The following EIF4EBP1 variants were observed in gnomAD, a reference collection of about 807,000 sequenced individuals.
The protein encoded by EIF4EBP1 is eukaryotic translation initiation factor 4E binding protein 1.
Under a neutral mutation model 9.2 loss-of-function variants are expected in EIF4EBP1, and 5 were observed. The observed-to-expected ratio is 0.54, with a 90% CI of 0.28 to 1.14. The LOEUF (loss-of-function observed/expected upper bound fraction) is 1.14, where lower values mean the gene tolerates loss of function less well. EIF4EBP1 is among the 50% of genes most tolerant of loss of function. EIF4EBP1 has a pLI of 0.09. For synonymous variants in EIF4EBP1, 62 were observed against 67.0 expected, an observed-to-expected ratio of 0.93 and a Z score of 0.36; for missense variants, 139 against 169.6, an observed-to-expected ratio of 0.82 and a Z score of 1.00.
At chr8:38,045,104 T>TTCC (rs1263762290) in intron 1 of EIF4EBP1, among the ~76,000 whole-genome samples, 1 of 152,220 alleles carries the variant, frequency 6.6e-6, no homozygotes, top group Non-Finnish European at 1.5e-5. Flanking sequence ...GAGTGTCACT[T>TTCC]TATTCTCACA....
chr8:38,059,786 C>A (rs1316354038), intron 2 of EIF4EBP1, 118 bp from the exon 3 acceptor site: 78 of 934,626 alleles, frequency 8.3e-5, no homozygotes, highest in South Asian at 1.7e-4. Flanking sequence ...CAAAAAAAAA[C>A]TTATTTTCTT....
intron 1 of EIF4EBP1, among the ~76,000 whole-genome samples, chr8:38,056,068 T>C (rs922893621): frequency 2.0e-5 from 3 of 152,056 alleles, no homozygotes; most frequent in Admixed American, 6.6e-5. Flanking sequence ...AGGGTCTCAC[T>C]GCAGCCTGGA....
At position 38,030,601 on chromosome 8, in the gene EIF4EBP1, A is replaced by AC. The variant is rs1195765913; in HGVS notation, c.32dup (p.Ser12LysfsTer44). ...GTCCGGGGGCAGCAGCTGCAGCCAG[A>AC]CCCCAAGCCGGGCCATCCCCGCCAC... On this transcript the variant is annotated frameshift_variant, in exon 1 of 3. Transcript: ENST00000338825. LOFTEE classifies it high-confidence loss of function. 1 of 1,511,882 alleles carries AC rather than the reference A, an allele frequency of 6.6e-7. No homozygotes were observed. The highest frequency in any genetic ancestry group is 1.4e-5 in the African/African-American group (1 of 69,210). 93.7% of individuals were successfully genotyped at this position (1,511,882 alleles called of 1,614,324 possible). A position where few individuals can be genotyped will look rare whatever the true frequency, so the allele number is the denominator to read the frequency against.
intron 1 of EIF4EBP1, among the ~76,000 whole-genome samples, chr8:38,039,353 G>A (rs28612322): frequency 0.76 from 114,707 of 150,734 alleles, 43,794 homozygotes; most frequent in Middle Eastern, 0.87. Flanking sequence ...GCACATTTAA[G>A]GTAGGGAAGG....
intron 1 of EIF4EBP1, among the ~76,000 whole-genome samples, chr8:38,052,457 A>G (rs1482287408): frequency 6.7e-6 from 1 of 149,684 alleles, no homozygotes; most frequent in Non-Finnish European, 1.5e-5. Context: ...GGCCAGGTGC[A>G]GTGGCTCATG....
intron 1 of EIF4EBP1, among the ~76,000 whole-genome samples, chr8:38,039,266 C>G (rs547789952): frequency 7.9e-5 from 12 of 152,000 alleles, no homozygotes; most frequent in Non-Finnish European, 1.5e-4. Context: ...GAAGATTGGA[C>G]AGCCCACTAT....
At chr8:38,055,394 C>G (rs562361926) in intron 1 of EIF4EBP1, among the ~76,000 whole-genome samples, 1 of 152,134 alleles carries the variant, frequency 6.6e-6, no homozygotes, top group African/African-American at 2.4e-5. Flanking sequence ...TGCTACTCAT[C>G]ATAGCCCCTA....
chr8:38,051,597 ATATTTTTTTT>A (rs1023177974), intron 1 of EIF4EBP1, among the ~76,000 whole-genome samples: 7 of 151,694 alleles, frequency 4.6e-5, no homozygotes, highest in African/African-American at 1.5e-4. Context: ...CCTTTTATTT[ATATTTTTTTT>A]TATTTTTTTG....
chr8:38,047,313 G>A (rs1159688410), intron 1 of EIF4EBP1: 1 of 152,108 alleles, frequency 6.6e-6, no homozygotes. Flanking sequence ...ACAAAGTAGA[G>A]GTTCAGTGAG....
chr8:38,038,658 A>G (rs1809335511), intron 1 of EIF4EBP1, among the ~76,000 whole-genome samples: 1 of 151,688 alleles, frequency 6.6e-6, no homozygotes, highest in Non-Finnish European at 1.5e-5. Context: ...GTGCGCCACC[A>G]CGCCCAGCCT....
chr8:38,042,134 C>T (rs974873574), intron 1 of EIF4EBP1, among the ~76,000 whole-genome samples: 1 of 152,178 alleles, frequency 6.6e-6, no homozygotes, highest in Non-Finnish European at 1.5e-5. Context: ...GCAGGCCAGG[C>T]TTTGGGAACA....
In EIF4EBP1 at chr8:38,056,375, C is replaced by CAT. The variant is rs1809594892; in HGVS notation, c.146-705_146-704insTA. Among the ~76,000 whole-genome samples the CAT allele has an allele frequency of 3.3e-5, 5 of 152,296 alleles. No homozygotes were observed. The South Asian group carries it at 1.0e-3, about 32-fold the overall frequency. ...TAAAATGCAGCTATTCTGGGTATCC[C>CAT]ACAGGAGTGCTGTAAGGACAGGACT... On this transcript the variant is annotated intron_variant, in intron 1 of 2. Transcript: ENST00000338825.
At chr8:38,059,300 C>T (rs866055527) in intron 2 of EIF4EBP1, among the ~76,000 whole-genome samples, 123 of 152,164 alleles carry the variant, frequency 8.1e-4, no homozygotes, top group African/African-American at 2.8e-3. Context: ...AGTGTGGGAG[C>T]GCCACTCCAC....
intron 1 of EIF4EBP1, among the ~76,000 whole-genome samples, chr8:38,031,622 A>G (rs938747563): frequency 6.6e-6 from 1 of 151,962 alleles, no homozygotes; most frequent in Non-Finnish European, 1.5e-5. Flanking sequence ...TGCTTTCCAT[A>G]CTACTAGAAA....
At chr8:38,054,097 CT>C (rs1809560217) in intron 1 of EIF4EBP1, among the ~76,000 whole-genome samples, 1 of 152,214 alleles carries the variant, frequency 6.6e-6, no homozygotes, top group Admixed American at 6.5e-5. Flanking sequence ...TTGCTGGCCC[CT>C]GGGCGCTTCT....
chr8:38,043,667 C>T (rs904100421), intron 1 of EIF4EBP1, among the ~76,000 whole-genome samples: 1 of 152,094 alleles, frequency 6.6e-6, no homozygotes, highest in African/African-American at 2.4e-5. Flanking sequence ...TTCAAAGAAA[C>T]TGACCTATTC....
intron 2 of EIF4EBP1, among the ~76,000 whole-genome samples, chr8:38,059,360 G>C (rs1024185980): frequency 6.6e-6 from 1 of 152,160 alleles, no homozygotes; most frequent in Non-Finnish European, 1.5e-5. Flanking sequence ...CTCCCGCTTT[G>C]CTTTCCACCA....
At chr8:38,043,084 T>C (rs962294989) in intron 1 of EIF4EBP1, among the ~76,000 whole-genome samples, 1 of 151,864 alleles carries the variant, frequency 6.6e-6, no homozygotes, top group African/African-American at 2.4e-5. Flanking sequence ...CGAAAAAAAG[T>C]TTTTGGGAGA....
At chr8:38,037,564 C>T (rs778735415) in intron 1 of EIF4EBP1, among the ~76,000 whole-genome samples, 7 of 152,046 alleles carry the variant, frequency 4.6e-5, no homozygotes, top group Non-Finnish European at 7.4e-5. Context: ...CCACCCGCCT[C>T]GACCTCCCAA....
Sources: allele counts gnomAD v4.1 joint callset (sites outside exome capture counted in the v4.1 genomes callset), GRCh38; gene constraint gnomAD v4.1.1; transcripts MANE v1.5; gene names NCBI Gene and HGNC (gene_info 2026-07-23, HGNC 2026-07-21).